SPON1: variants seen among roughly 807,000 people sequenced by gnomAD.
SPON1 encodes the protein spondin-1.
SPON1 carries 52 observed loss-of-function variants against 111.7 expected under a neutral mutation model. That is an observed-to-expected ratio of 0.47 (90% CI 0.37 to 0.59). SPON1 has a LOEUF of 0.59. SPON1 is among the 20% of genes least tolerant of loss of function. The probability of loss-of-function intolerance (pLI) is 0.00; values close to 1 mark genes in which losing one functional copy is unlikely to be tolerated. For missense variants in SPON1, 957 were observed against 1,068.5 expected (o/e 0.90, Z 1.46); for synonymous variants, 410 against 395.8 (o/e 1.04, Z -0.43).
rs560212425 is a variant in SPON1, at chr11:14,254,180, T to A, written c.891-348T>A. ...GGGAGATGACCCCTCTGATGGGAGGTTGAGGTGCAAGGATCACTTGAGCCC... is the reference window on the plus strand; with the variant it reads ...GGGAGATGACCCCTCTGATGGGAGGATGAGGTGCAAGGATCACTTGAGCCC... On this transcript the variant is annotated intron_variant, in intron 7 of 15. Transcript: ENST00000576479. Among the ~76,000 whole-genome samples the A allele has an allele frequency of 1.3e-3, 198 of 152,180 alleles. 1 individual carries two copies. Among genetic ancestry groups the A allele is most frequent in the South Asian group, 2.5e-3 (12 of 4,816 alleles).
intron 6 of SPON1, among the ~76,000 whole-genome samples, chr11:14,154,361 C>A (rs10832207): frequency 0.4 from 60,899 of 152,010 alleles, 12,378 homozygotes; most frequent in East Asian, 0.55. Context: ...ACTTTTGCCA[C>A]CTGCACACTC....
Position 14,156,012 on chromosome 11 carries a change from C to A in SPON1, c.825+20444C>A, listed in dbSNP as rs1468391065. Among the ~76,000 whole-genome samples, 3 of 125,002 alleles carry A rather than the reference C, an allele frequency of 2.4e-5. 1 individual carries two copies. The highest frequency in any genetic ancestry group is 2.8e-4 in the East Asian group (1 of 3,590). The allele number at this position is 125,002 out of a possible 152,430, so 82.0% of individuals were successfully genotyped here. On this transcript the variant is annotated intron_variant, in intron 6 of 15. Coordinates refer to ENST00000576479, the MANE Select transcript of SPON1 (RefSeq NM_006108.4). ...TGATTTATAGTCCTTTGGGTATATA[C>A]CCAGTAATGGGATGGCTAGGCCAAA...
Position 14,265,652 on chromosome 11 carries a change from A to G in SPON1, c.2389A>G (p.Lys797Glu). The change falls in exon 16 of 16, where the codon AAG becomes GAG. Residue 797 changes from lysine to glutamate, a missense_variant. Around this residue, in one of 5 missense-constraint regions of SPON1, gnomAD observed 549 missense variants for 606.2 expected, o/e 0.91. Coordinates refer to ENST00000576479, the MANE Select transcript of SPON1 (RefSeq NM_006108.4). ...SSQFTSCKDKKEIRACNVHPC is the reference protein window; with the variant it reads ...SSQFTSCKDKEEIRACNVHPC ...CCAGTTTACCAGCTGCAAAGACAAG[A>G]AGGAGATCAGAGCATGCAATGTTCA... The G allele has an allele frequency of 4.3e-6, 7 of 1,613,752 alleles. No individual in the cohort carries two copies. Among genetic ancestry groups the G allele is most frequent in the Non-Finnish European group, 5.1e-6 (6 of 1,179,800 alleles).
intron 6 of SPON1, among the ~76,000 whole-genome samples, chr11:14,160,733 A>ATT (rs1847921576): frequency 8.7e-5 from 1 of 11,482 alleles, no homozygotes; most frequent in Non-Finnish European, 1.2e-4. Context: ...ATATTTATAT[A>ATT]TATTTAATTT....
intron 5 of SPON1, among the ~76,000 whole-genome samples, chr11:14,105,543 G>A (rs1849177938): frequency 6.6e-6 from 1 of 151,940 alleles, no homozygotes; most frequent in African/African-American, 2.4e-5. Flanking sequence ...TTTGATTCTT[G>A]TTTCATTTCA....
intron 5 of SPON1, among the ~76,000 whole-genome samples, chr11:14,116,785 CAT>C (rs1307157651): frequency 6.6e-6 from 1 of 152,068 alleles, no homozygotes; most frequent in Admixed American, 6.5e-5. Flanking sequence ...TTTTTGAACT[CAT>C]AGAAAAACGT....
chr11:14,044,799 T>C (rs2133815333), intron 3 of SPON1, among the ~76,000 whole-genome samples: 1 of 152,362 alleles, frequency 6.6e-6, no homozygotes, highest in Admixed American at 6.5e-5. Flanking sequence ...AATGGTATCA[T>C]GTTATGTCCT....
At chr11:14,252,470 G>A (rs1849063307) in intron 7 of SPON1, among the ~76,000 whole-genome samples, 3 of 147,210 alleles carry the variant, frequency 2.0e-5, no homozygotes, top group Admixed American at 2.0e-4. Flanking sequence ...CTCAGCCGAA[G>A]GCAAGACCTG....
At chr11:14,165,128 C>G (rs1397148186) in intron 6 of SPON1, among the ~76,000 whole-genome samples, 2 of 152,198 alleles carry the variant, frequency 1.3e-5, no homozygotes, top group Non-Finnish European at 2.9e-5. Context: ...CTGTTACCAT[C>G]TTCCTTTAAA....
intron 6 of SPON1, among the ~76,000 whole-genome samples, chr11:14,220,971 G>T (rs1320716238): frequency 2.0e-5 from 3 of 152,194 alleles, no homozygotes; most frequent in African/African-American, 7.2e-5. Context: ...CTTGAAATGG[G>T]ACAGAGGACC....
chr11:14,198,139 A>C (rs1304444482), intron 6 of SPON1, among the ~76,000 whole-genome samples: 1 of 152,208 alleles, frequency 6.6e-6, no homozygotes, highest in Non-Finnish European at 1.5e-5. Flanking sequence ...TGGGCTCTCA[A>C]ATCGGTGCCT....
intron 5 of SPON1, among the ~76,000 whole-genome samples, chr11:14,084,605 G>A (rs559879314): frequency 1.3e-4 from 20 of 152,266 alleles, no homozygotes; most frequent in African/African-American, 4.8e-4. Context: ...GCTGCAATAA[G>A]CATAAATATG....
chr11:14,065,100 C>T (rs1241218360), intron 3 of SPON1, among the ~76,000 whole-genome samples: 2 of 152,152 alleles, frequency 1.3e-5, no homozygotes, highest in Non-Finnish European at 2.9e-5. Context: ...ACCTAAAGAG[C>T]AAGCATCTCC....
intron 2 of SPON1, among the ~76,000 whole-genome samples, chr11:14,007,622 C>G (rs1848372160): frequency 6.6e-6 from 1 of 152,134 alleles, no homozygotes; most frequent in Non-Finnish European, 1.5e-5. Flanking sequence ...ACAGACACAC[C>G]CAGGGTCAAT....
intron 2 of SPON1, among the ~76,000 whole-genome samples, chr11:14,011,385 A>G (rs1848403246): frequency 6.9e-6 from 1 of 145,742 alleles, no homozygotes; most frequent in South Asian, 2.2e-4. Context: ...AAAGCTATGT[A>G]CTGTGTCATC....
chr11:14,231,424 C>T (rs2133912096), intron 6 of SPON1, among the ~76,000 whole-genome samples: 1 of 152,288 alleles, frequency 6.6e-6, no homozygotes, highest in Admixed American at 6.5e-5. Flanking sequence ...TAAGCCACCA[C>T]ACCTGGCCCC....
chr11:14,076,546 G>A (rs1246132711), intron 4 of SPON1, among the ~76,000 whole-genome samples: 3 of 151,926 alleles, frequency 2.0e-5, no homozygotes, highest in Non-Finnish European at 2.9e-5. Context: ...ATGGATGAGG[G>A]GCCTGACACA....
chr11:14,175,988 G>A (rs756428015), intron 6 of SPON1, among the ~76,000 whole-genome samples: 1 of 152,144 alleles, frequency 6.6e-6, no homozygotes, highest in South Asian at 2.1e-4. Flanking sequence ...GCCTGGCAAA[G>A]CTCAAACTTT....
chr11:14,223,675 C>G (rs1359341050), intron 6 of SPON1, among the ~76,000 whole-genome samples: 1 of 152,200 alleles, frequency 6.6e-6, no homozygotes, highest in Non-Finnish European at 1.5e-5. Flanking sequence ...CGAATCCTGT[C>G]TCCACCCTTC....
Sources: gnomAD v4.1 joint callset for allele counts (sites outside exome capture counted in the v4.1 genomes callset) on GRCh38, gnomAD v4.1.1 for gene constraint, gnomAD v4.1.1 regional missense constraint, MANE v1.5 for transcripts, NCBI Gene and HGNC (gene_info 2026-07-23, HGNC 2026-07-21) for gene names.